The following BTBD9 variants were observed in gnomAD, a reference collection of about 807,000 sequenced individuals.
The protein encoded by BTBD9 is BTB domain containing 9.
BTBD9 carries 49 observed loss-of-function variants against 64.3 expected under a neutral mutation model. The ratio of observed to expected loss-of-function variants is 0.76; its 90% confidence interval spans 0.61 to 0.97. The LOEUF (loss-of-function observed/expected upper bound fraction) is 0.97. BTBD9 is among the 50% of genes least tolerant of loss of function. The probability of loss-of-function intolerance (pLI) is 0.00; values close to 1 mark genes in which losing one functional copy is unlikely to be tolerated. For synonymous variants in BTBD9, 260 were observed against 274.7 expected (o/e 0.95, Z 0.53); for missense variants, 598 against 762.1 (o/e 0.78, Z 2.53).
chr6:38,416,501 ATTT>A (rs70981549), intron 6 of BTBD9, among the ~76,000 whole-genome samples: 75 of 86,762 alleles, frequency 8.6e-4, no homozygotes, highest in Middle Eastern at 6.3e-3. Flanking sequence ...TGCCCAGCTA[ATTT>A]TTTTTTTTTT....
At chr6:38,619,116 G>C (rs2127521341) in intron 1 of BTBD9, among the ~76,000 whole-genome samples, 1 of 152,270 alleles carries the variant, frequency 6.6e-6, no homozygotes, top group Middle Eastern at 3.4e-3. Flanking sequence ...GGCTATGGGA[G>C]GACTTAAGAA....
intron 7 of BTBD9, among the ~76,000 whole-genome samples, chr6:38,329,308 A>G (rs1763581345): frequency 6.6e-6 from 1 of 150,746 alleles, no homozygotes; most frequent in Admixed American, 6.6e-5. Flanking sequence ...GGAGTATTTT[A>G]AAGACCTTTT....
At chr6:38,238,769 G>T (rs939967957) in intron 9 of BTBD9, among the ~76,000 whole-genome samples, 3 of 152,182 alleles carry the variant, frequency 2.0e-5, no homozygotes, top group Admixed American at 1.3e-4. Context: ...CACCGCGCCT[G>T]GCCGAGACCA....
chr6:38,410,099 CA>C (rs1329558846), intron 6 of BTBD9, among the ~76,000 whole-genome samples: 2 of 152,096 alleles, frequency 1.3e-5, no homozygotes, highest in African/African-American at 4.8e-5. Context: ...TAAAGAATAT[CA>C]AGAGTTTTTA....
intron 6 of BTBD9, among the ~76,000 whole-genome samples, chr6:38,400,570 C>A (rs1766885118): frequency 6.6e-6 from 1 of 152,146 alleles, no homozygotes; most frequent in Non-Finnish European, 1.5e-5. Context: ...TCCCTAGGTT[C>A]TTCTAATGCC....
At chr6:38,521,916 C>T in intron 6 of BTBD9, among the ~76,000 whole-genome samples, 1 of 152,144 alleles carries the variant, frequency 6.6e-6, no homozygotes, top group East Asian at 1.9e-4. Context: ...CCCAGGTGAT[C>T]CACCCGCCTC....
intron 6 of BTBD9, among the ~76,000 whole-genome samples, chr6:38,381,541 C>A (rs771338149): frequency 2.6e-5 from 4 of 152,100 alleles, no homozygotes; most frequent in African/African-American, 9.7e-5. Context: ...ACTGATAGAT[C>A]AACCAGACAA....
In BTBD9 at chr6:38,171,554, G is replaced by C. The variant is rs1326433895; in HGVS notation, c.*3431C>G. The C allele has an allele frequency of 4.0e-5, 4 of 100,412 alleles. No homozygotes were observed. The highest frequency in any genetic ancestry group is 1.7e-4 in the African/African-American group (4 of 22,996). The allele number at this position is 100,412 out of a possible 1,614,324, so 6.2% of individuals were successfully genotyped here. On this transcript the variant is annotated 3_prime_UTR_variant, in exon 11 of 11. Coordinates refer to ENST00000481247, the MANE Select transcript of BTBD9 (RefSeq NM_001099272.2). ...AAAAGCACTGAGAAAATGGTAAAAC[G>C]GGTGTGTGTGTGTGTGTGTGTGTGT... is the stretch of plus-strand genomic sequence containing the variant.
chr6:38,424,592 T>C (rs1312605863), intron 6 of BTBD9, among the ~76,000 whole-genome samples: 1 of 151,432 alleles, frequency 6.6e-6, no homozygotes, highest in East Asian at 1.9e-4. Flanking sequence ...TCTCGACTCA[T>C]TGCAACCGCT....
intron 6 of BTBD9, among the ~76,000 whole-genome samples, chr6:38,511,086 C>T (rs1772751721): frequency 6.6e-6 from 1 of 152,124 alleles, no homozygotes; most frequent in Admixed American, 6.5e-5. Flanking sequence ...GCTATGACAT[C>T]ACTAGGAGTT....
Position 38,593,963 on chromosome 6 carries a change from C to A in BTBD9, c.549+1G>T, listed in dbSNP as rs778728094. Reference sequence around the variant, plus strand: ...AAATTACTTGTAGACAAATGACACACCTTAGAAAGGGAGAGGAAACCTTCA... The same window carrying A: ...AAATTACTTGTAGACAAATGACACAACTTAGAAAGGGAGAGGAAACCTTCA... On this transcript the variant is annotated splice_donor_variant, in intron 3 of 10. Coordinates refer to ENST00000481247, the MANE Select transcript of BTBD9 (RefSeq NM_001099272.2). LOFTEE classifies it high-confidence loss of function. The A allele has an allele frequency of 5.0e-6, 8 of 1,609,356 alleles. No individual in the cohort carries two copies. Among genetic ancestry groups the A allele is most frequent in the Non-Finnish European group, 5.9e-6 (7 of 1,177,606 alleles).
intron 9 of BTBD9, among the ~76,000 whole-genome samples, chr6:38,252,604 T>C (rs562870495): frequency 6.6e-6 from 1 of 152,292 alleles, no homozygotes; most frequent in East Asian, 1.9e-4. Flanking sequence ...CTAAGTGCTA[T>C]ACAAAGTTAA....
At chr6:38,461,798 T>TA (rs1336727847) in intron 6 of BTBD9, among the ~76,000 whole-genome samples, 1 of 152,210 alleles carries the variant, frequency 6.6e-6, no homozygotes, top group African/African-American at 2.4e-5. Flanking sequence ...AGCAGAGTGT[T>TA]AGAGTTACAG....
chr6:38,190,935 T>C (rs1762049510), intron 10 of BTBD9, among the ~76,000 whole-genome samples: 1 of 152,176 alleles, frequency 6.6e-6, no homozygotes, highest in African/African-American at 2.4e-5. Context: ...AATTTCAGGG[T>C]TCCATTTGGG....
intron 7 of BTBD9, among the ~76,000 whole-genome samples, chr6:38,330,919 C>A (rs1475088155): frequency 1.3e-5 from 2 of 152,114 alleles, no homozygotes; most frequent in East Asian, 1.9e-4. Flanking sequence ...ACACACACCC[C>A]AACAATAACA....
At chr6:38,336,140 A>T (rs946637707) in intron 7 of BTBD9, among the ~76,000 whole-genome samples, 5 of 152,228 alleles carry the variant, frequency 3.3e-5, no homozygotes, top group African/African-American at 1.2e-4. Context: ...GAAAGGCTAC[A>T]GCTCACTGTA....
intron 3 of BTBD9, 28 bp downstream of exon 3, chr6:38,593,936 A>G (rs1323837846): frequency 1.3e-6 from 2 of 1,575,152 alleles, no homozygotes; most frequent in Non-Finnish European, 1.7e-6. Context: ...ATGCATGCCT[A>G]TAAATTACTT....
chr6:38,531,993 G>A (rs555345638), intron 6 of BTBD9, among the ~76,000 whole-genome samples: 2 of 152,272 alleles, frequency 1.3e-5, no homozygotes, highest in South Asian at 4.2e-4. Flanking sequence ...ACTCAGGTGA[G>A]CACTCACAGT....
In BTBD9 at chr6:38,239,455, A is replaced by T. The variant is rs1433976331; in HGVS notation, c.1562+16954T>A. Among the ~76,000 whole-genome samples, 923 of 151,696 alleles carry T rather than the reference A, an allele frequency of 6.1e-3. 9 individuals are homozygous for T. The highest frequency in any genetic ancestry group is 0.019 in the African/African-American group (798 of 41,318). ...CTCTGTCTCAAAAAAAAAAAAAAAAAAAAAAGATATAATCTCTTATAGGAA... is the reference window on the plus strand; with the variant it reads ...CTCTGTCTCAAAAAAAAAAAAAAAATAAAAAGATATAATCTCTTATAGGAA... On this transcript the variant is annotated intron_variant, in intron 9 of 10. Coordinates refer to ENST00000481247, the MANE Select transcript of BTBD9 (RefSeq NM_001099272.2).
Sources: gnomAD v4.1 joint callset for allele counts (sites outside exome capture counted in the v4.1 genomes callset) on GRCh38, gnomAD v4.1.1 for gene constraint, MANE v1.5 for transcripts, NCBI Gene and HGNC (gene_info 2026-07-23, HGNC 2026-07-21) for gene names.